SGTB: variants seen among roughly 807,000 people sequenced by gnomAD.
SGTB encodes the protein small glutamine-rich tetratricopeptide repeat-containing protein beta.
Under a neutral mutation model 43.9 loss-of-function variants are expected in SGTB, and 19 were observed. The ratio of observed to expected loss-of-function variants is 0.43; its 90% CI spans 0.30 to 0.63. SGTB has a LOEUF of 0.63. SGTB is among the 30% of genes least tolerant of loss of function. The pLI is 0.12. For synonymous variants in SGTB, 116 were observed against 117.3 expected, an observed-to-expected ratio of 0.99 and a Z score of 0.07; for missense variants, 304 against 358.9, an observed-to-expected ratio of 0.85 and a Z score of 1.24.
intron 5 of SGTB, among the ~76,000 whole-genome samples, chr5:65,704,057 T>TA (rs1561163393): frequency 1.0e-4 from 15 of 147,192 alleles, no homozygotes; most frequent in African/African-American, 3.7e-4. Flanking sequence ...AAAAAATAAA[T>TA]AAATAAATAA....
At chr5:65,721,385 A>G (rs1490794818) in intron 1 of SGTB, among the ~76,000 whole-genome samples, 1 of 152,238 alleles carries the variant, frequency 6.6e-6, no homozygotes, top group African/African-American at 2.4e-5. Context: ...CATGTCAGGA[A>G]ATCGCTGCCC....
intron 6 of SGTB, among the ~76,000 whole-genome samples, chr5:65,682,788 A>C (rs927738023): frequency 2.0e-5 from 3 of 152,198 alleles, no homozygotes; most frequent in African/African-American, 7.2e-5. Flanking sequence ...ATGAGTACGG[A>C]GTTCAAACAT....
At chr5:65,716,572 G>C (rs1169767299) in intron 2 of SGTB, among the ~76,000 whole-genome samples, 2 of 152,222 alleles carry the variant, frequency 1.3e-5, no homozygotes, top group African/African-American at 4.8e-5. Context: ...CAGGGTATTT[G>C]AGAAAGAGAA....
chr5:65,718,038 G>A lies in SGTB; in HGVS notation c.100+2670C>T, dbSNP rs115613699. On this transcript the variant is annotated intron_variant, in intron 2 of 10. Coordinates refer to ENST00000381007, the MANE Select transcript of SGTB (RefSeq NM_019072.3). ...GATTGGAGGTACTGGTTGGGTCAAA[G>A]AATAGCTGGAGTAGGGATTCTAGAG... Among the ~76,000 whole-genome samples, 1,106 of 152,250 alleles carry A rather than the reference G, an allele frequency of 7.3e-3. 2 individuals are homozygous for A. Among genetic ancestry groups the A allele is most frequent in the Non-Finnish European group, 0.012 (820 of 67,990 alleles).
chr5:65,687,394 C>G (rs991297078), intron 5 of SGTB, among the ~76,000 whole-genome samples: 1 of 152,164 alleles, frequency 6.6e-6, no homozygotes, highest in Non-Finnish European at 1.5e-5. Context: ...AGAGACCAAC[C>G]TTGAAAAGTT....
At chr5:65,717,066 A>G in intron 2 of SGTB, among the ~76,000 whole-genome samples, 1 of 152,140 alleles carries the variant, frequency 6.6e-6, no homozygotes, top group East Asian at 1.9e-4. Context: ...TTCATGAGGA[A>G]ATGACCATCA....
At chr5:65,722,602 C>T (rs1431852747), upstream of SGTB, among the ~76,000 whole-genome samples, 2 of 152,230 alleles carry the variant, frequency 1.3e-5, no homozygotes, top group African/African-American at 4.8e-5. Flanking sequence ...CCACCTTTCC[C>T]GCCTCCGCTC....
intron 5 of SGTB, among the ~76,000 whole-genome samples, chr5:65,690,031 TTAG>T (rs1757575357): frequency 6.8e-6 from 1 of 146,910 alleles, no homozygotes; most frequent in Non-Finnish European, 1.5e-5. Context: ...AGAATAACCA[TTAG>T]AAGAAGAGAT....
chr5:65,673,075 T>C (rs769439936), intron 8 of SGTB, among the ~76,000 whole-genome samples: 1 of 152,080 alleles, frequency 6.6e-6, no homozygotes. Context: ...TCTGCAGCAG[T>C]AGTTCTTCCC....
chr5:65,686,975 A>C lies in SGTB; in HGVS notation c.375-1503T>G, dbSNP rs143322404. Among the ~76,000 whole-genome samples the C allele has an allele frequency of 3.4e-3, 521 of 152,338 alleles. 4 individuals are homozygous for C. Among genetic ancestry groups the C allele is most frequent in the African/African-American group, 0.011 (477 of 41,582 alleles). ...ATTATACTCTACAAATACTGGATGTACATAGTAATAAATCAATTATTTGCT... is the reference window on the plus strand; with the variant it reads ...ATTATACTCTACAAATACTGGATGTCCATAGTAATAAATCAATTATTTGCT... On this transcript the variant is annotated intron_variant, in intron 5 of 10. Transcript: ENST00000381007.
chr5:65,676,231 A>G (rs959311741), intron 8 of SGTB, among the ~76,000 whole-genome samples: 1 of 152,076 alleles, frequency 6.6e-6, no homozygotes, highest in Non-Finnish European at 1.5e-5. Flanking sequence ...GAAGATCAAA[A>G]AAGACAAAGA....
intron 5 of SGTB, among the ~76,000 whole-genome samples, chr5:65,694,091 C>T (rs953685537): frequency 6.6e-5 from 10 of 152,148 alleles, no homozygotes; most frequent in African/African-American, 1.9e-4. Context: ...CCACAGGACA[C>T]GGAGGGGAAG....
intron 2 of SGTB, among the ~76,000 whole-genome samples, chr5:65,719,512 G>A (rs577343101): frequency 6.6e-6 from 1 of 152,236 alleles, no homozygotes; most frequent in African/African-American, 2.4e-5. Flanking sequence ...AGGATCAATT[G>A]AGCCCAGGAG....
intron 3 of SGTB, among the ~76,000 whole-genome samples, chr5:65,711,123 C>T (rs1758038132): frequency 6.6e-6 from 1 of 152,032 alleles, no homozygotes; most frequent in African/African-American, 2.4e-5. Flanking sequence ...TGAGATCGCA[C>T]CACTGCATTC....
chr5:65,719,051 A>G (rs928793494), intron 2 of SGTB, among the ~76,000 whole-genome samples: 10 of 152,228 alleles, frequency 6.6e-5, no homozygotes, highest in Admixed American at 2.0e-4. Flanking sequence ...AGACCTTAAT[A>G]TTAAATGGAC....
intron 3 of SGTB, among the ~76,000 whole-genome samples, chr5:65,709,414 C>G (rs1274203344): frequency 6.7e-6 from 1 of 148,162 alleles, no homozygotes; most frequent in African/African-American, 2.5e-5. Flanking sequence ...GAGTCTCGCT[C>G]TTTTGCCAGG....
chr5:65,666,182 T>A lies in SGTB; in HGVS notation c.*4064A>T, dbSNP rs1233813131. The A allele has an allele frequency of 3.3e-5, 5 of 152,488 alleles. No homozygotes were observed. The highest frequency in any genetic ancestry group is 1.2e-4 in the African/African-American group (5 of 41,470). 9.4% of individuals were successfully genotyped at this position (152,488 alleles called of 1,614,324 possible). ...TCAAGCATCTTCTTATGACTAAATC[T>A]TCTGTTTCATTCTGTTTTAAATCTA... On this transcript the variant is annotated 3_prime_UTR_variant, in exon 11 of 11. Coordinates refer to ENST00000381007, the MANE Select transcript of SGTB (RefSeq NM_019072.3).
At chr5:65,681,527 T>C (rs564900147) in intron 6 of SGTB, among the ~76,000 whole-genome samples, 20 of 152,182 alleles carry the variant, frequency 1.3e-4, no homozygotes, top group Non-Finnish European at 2.5e-4. Flanking sequence ...TTCTTTTCTC[T>C]TTTTCTCTTT....
At chr5:65,716,956 A>C (rs541027621) in intron 2 of SGTB, among the ~76,000 whole-genome samples, 1 of 152,222 alleles carries the variant, frequency 6.6e-6, no homozygotes, top group African/African-American at 2.4e-5. Flanking sequence ...AGGAACCAGA[A>C]AAGGGGACAG....
Sources: allele counts gnomAD v4.1 joint callset (sites outside exome capture counted in the v4.1 genomes callset), GRCh38; gene constraint gnomAD v4.1.1; transcripts MANE v1.5; gene names NCBI Gene and HGNC (gene_info 2026-07-23, HGNC 2026-07-21).